ACTN4: variants seen among roughly 807,000 people sequenced by gnomAD.
The protein encoded by ACTN4 is alpha-actinin-4.
In ACTN4, 18 loss-of-function variants were observed where a neutral mutation model predicts 114.2. The ratio of observed to expected loss-of-function variants is 0.16; its 90% CI spans 0.11 to 0.23. ACTN4 has a LOEUF of 0.23. Ranked by LOEUF, ACTN4 falls within the 10% of genes least tolerant of loss-of-function variation. The pLI is 1.00. For missense variants in ACTN4, 722 were observed against 1,262.9 expected, an observed-to-expected ratio of 0.57 and a Z score of 6.49; for synonymous variants, 515 against 506.3, an observed-to-expected ratio of 1.02 and a Z score of -0.23.
intron 1 of ACTN4, among the ~76,000 whole-genome samples, chr19:38,673,597 T>TTATATAAA (rs1967239623): frequency 2.4e-5 from 2 of 82,528 alleles, no homozygotes; most frequent in African/African-American, 7.7e-5. Flanking sequence ...TTATATATAT[T>TTATATAAA]CATATATATT....
At chr19:38,649,721 G>C (rs917919467) in intron 1 of ACTN4, among the ~76,000 whole-genome samples, 1 of 152,096 alleles carries the variant, frequency 6.6e-6, no homozygotes, top group East Asian at 1.9e-4. Context: ...GAAGCCTCTC[G>C]AGGGCGCGAG....
At chr19:38,716,953 C>A in intron 9 of ACTN4, 133 bp from the exon 10 acceptor site, 1 of 994,648 alleles carries the variant, frequency 1.0e-6, no homozygotes, top group Non-Finnish European at 1.5e-6. Flanking sequence ...AGAAGTTGGG[C>A]TGGGGAGCAG....
intron 1 of ACTN4, among the ~76,000 whole-genome samples, chr19:38,692,973 G>A (rs1480130078): frequency 6.6e-6 from 1 of 152,132 alleles, no homozygotes; most frequent in Non-Finnish European, 1.5e-5. Flanking sequence ...GTGCTAGGGA[G>A]CTCCGTCTGG....
intron 11 of ACTN4, among the ~76,000 whole-genome samples, chr19:38,719,019 C>G (rs1323580032): frequency 6.6e-6 from 1 of 152,262 alleles, no homozygotes; most frequent in African/African-American, 2.4e-5. Flanking sequence ...CTTCCCAGAG[C>G]CTCCTTCCCG....
At chr19:38,691,244 C>T (rs1279559308) in intron 1 of ACTN4, among the ~76,000 whole-genome samples, 2 of 151,652 alleles carry the variant, frequency 1.3e-5, no homozygotes, top group Admixed American at 1.3e-4. Flanking sequence ...GGAGAAACTC[C>T]GTCTCTACTA....
Position 38,731,062 on chromosome 19 carries a change from C to T in ACTN4, c.*1630C>T, listed in dbSNP as rs558800611. The stretch of plus-strand genomic sequence containing the variant: ...GGCAGGGTGAGTGCCCACCAGTCCC[C>T]GTACCCCTTCCCCCCATGCCCCACC... On this transcript the variant is annotated 3_prime_UTR_variant, in exon 21 of 21. Coordinates refer to ENST00000252699, the MANE Select transcript of ACTN4 (RefSeq NM_004924.6). 96 of 1,564,518 alleles carry T rather than the reference C, an allele frequency of 6.1e-5. No homozygotes were observed. In the South Asian group the frequency reaches 8.6e-4, roughly 14 times the overall value.
At position 38,717,379 on chromosome 19, in the gene ACTN4, T is replaced by C; in HGVS notation, c.1143+63T>C. ...GCAGAGGCAGCCCTAGAACTGCCTG[T>C]GGGCAGTTTGGCCAGCGTAATCTTT... On this transcript the variant is annotated intron_variant, in intron 10 of 20. Transcript: ENST00000252699. This position sits in a 1 kb window ranked among gnomAD's most constrained non-coding sequence, Gnocchi z 4.0. The C allele has an allele frequency of 6.4e-7, 1 of 1,568,572 alleles. No homozygotes were observed. Among genetic ancestry groups the C allele is most frequent in the Non-Finnish European group, 8.6e-7 (1 of 1,156,278 alleles).
chr19:38,723,121 C>T (rs753591761), intron 12 of ACTN4, among the ~76,000 whole-genome samples: 14 of 152,190 alleles, frequency 9.2e-5, no homozygotes, highest in Non-Finnish European at 2.1e-4. Context: ...AAGAGGTTTG[C>T]CCAGGGTCAC....
intron 1 of ACTN4, among the ~76,000 whole-genome samples, chr19:38,661,425 C>G (rs1976882965): frequency 6.6e-6 from 1 of 152,320 alleles, no homozygotes; most frequent in Admixed American, 6.5e-5. Flanking sequence ...GTGTACTACT[C>G]ATAATGGCTT....
Position 38,731,166 on chromosome 19 carries a change from CGGCTATCCCGGTAGCGGCT to C in ACTN4, c.*1737_*1755del. 5.6e-6 allele frequency: 9 copies of C among 1,613,168 alleles called. No homozygotes were observed. The highest frequency in any genetic ancestry group is 7.6e-6 in the Non-Finnish European group (9 of 1,180,026). On this transcript the variant is annotated 3_prime_UTR_variant, in exon 21 of 21. Coordinates refer to ENST00000252699, the MANE Select transcript of ACTN4 (RefSeq NM_004924.6). ...GAACCGCTCGAAGTCCACACGCAGA[CGGCTATCCCGGTAGCGGCT>C]GGTGAGGGTCTGGGTCAGCTGGTTG...
chr19:38,652,729 G>A (rs1386081735), intron 1 of ACTN4, among the ~76,000 whole-genome samples: 1 of 152,210 alleles, frequency 6.6e-6, no homozygotes, highest in Non-Finnish European at 1.5e-5. Context: ...GCAGGGTGGT[G>A]TGTGAATATC....
chr19:38,659,395 A>G (rs1291955481), intron 1 of ACTN4, among the ~76,000 whole-genome samples: 1 of 152,134 alleles, frequency 6.6e-6, no homozygotes, highest in African/African-American at 2.4e-5. Flanking sequence ...GGCACAAGCC[A>G]TAGGATAGAA....
intron 1 of ACTN4, among the ~76,000 whole-genome samples, chr19:38,658,294 C>T (rs8103101): frequency 0.014 from 2,144 of 152,288 alleles, 57 homozygotes; most frequent in African/African-American, 0.047. Flanking sequence ...GAGTTTGGAA[C>T]TGGAATCTCA....
At chr19:38,700,025 G>A (rs970906634) in intron 1 of ACTN4, among the ~76,000 whole-genome samples, 1 of 152,188 alleles carries the variant, frequency 6.6e-6, no homozygotes, top group Admixed American at 6.5e-5. Context: ...GCACGTGATT[G>A]GAACGTAGCA....
chr19:38,728,410 G>GCTCCTCCTCCCC, intron 19 of ACTN4: 1 of 771,548 alleles, frequency 1.3e-6, no homozygotes. Flanking sequence ...CCAGCCACCC[G>GCTCCTCCTCCCC]CTCCTCCTCC....
At chr19:38,708,842 G>T (rs1968548047) in intron 6 of ACTN4, among the ~76,000 whole-genome samples, 1 of 152,224 alleles carries the variant, frequency 6.6e-6, no homozygotes, top group Admixed American at 6.5e-5. Flanking sequence ...AGGGCTTCCT[G>T]GGGGAGGCAC....
chr19:38,707,598 T>C (rs1968503793), intron 5 of ACTN4, among the ~76,000 whole-genome samples: 1 of 152,070 alleles, frequency 6.6e-6, no homozygotes, highest in Non-Finnish European at 1.5e-5. Context: ...GCATGCCAAG[T>C]GAAATCCTGG....
intron 8 of ACTN4, chr19:38,711,464 C>T (rs1239473799): frequency 9.8e-6 from 5 of 509,460 alleles, no homozygotes; most frequent in African/African-American, 4.2e-5. Context: ...CTGGCCAGGC[C>T]GTGGGCCGCC....
At position 38,721,402 on chromosome 19, in the gene ACTN4, T is replaced by G. The variant is rs1969035583; in HGVS notation, c.1292-136T>G. 3.7e-6 allele frequency: 4 copies of G among 1,085,988 alleles called. No individual in the cohort carries two copies. In the Admixed American group the frequency reaches 7.7e-5, roughly 21 times the overall value. 67.3% of individuals were successfully genotyped at this position (1,085,988 alleles called of 1,614,324 possible). ...GGTACGGAAGAAGATTCTGGAAGTT[T>G]CCATGCCACTGTCATTGGCATGGAA... On this transcript the variant is annotated intron_variant, in intron 11 of 20. Coordinates refer to ENST00000252699, the MANE Select transcript of ACTN4 (RefSeq NM_004924.6).
Sources: gnomAD v4.1 joint callset for allele counts (sites outside exome capture counted in the v4.1 genomes callset) on GRCh38, gnomAD v4.1.1 for gene constraint, Gnocchi (gnomAD v3.1) non-coding constraint, MANE v1.5 for transcripts, NCBI Gene and HGNC (gene_info 2026-07-23, HGNC 2026-07-21) for gene names.